DPYD: variants seen among roughly 807,000 people sequenced by gnomAD.
DPYD encodes dihydropyrimidine dehydrogenase [NADP(+)].
In DPYD, 109 loss-of-function variants were observed where a neutral mutation model predicts 116.2. The ratio of observed to expected loss-of-function variants is 0.94; its 90% CI spans 0.80 to 1.10. The LOEUF (loss-of-function observed/expected upper bound fraction) is 1.10. DPYD is among the 50% of genes least tolerant of loss of function. The pLI, the probability that DPYD is intolerant of heterozygous loss-of-function variation, is 0.00. For synonymous variants in DPYD, 440 were observed against 432.0 expected (o/e 1.02, Z -0.23); for missense variants, 1,302 against 1,254.5 (o/e 1.04, Z -0.57).
chr1:97,413,490 T>C (rs1674122010), intron 14 of DPYD, among the ~76,000 whole-genome samples: 1 of 152,130 alleles, frequency 6.6e-6, no homozygotes, highest in South Asian at 2.1e-4. Flanking sequence ...TGTGGACTGG[T>C]TCTGGCTCTG....
chr1:97,283,029 T>C (rs1161407506), intron 18 of DPYD, among the ~76,000 whole-genome samples: 1 of 152,170 alleles, frequency 6.6e-6, no homozygotes, highest in Non-Finnish European at 1.5e-5. Context: ...AACACATGTA[T>C]GCATGTGTCT....
chr1:97,823,864 C>CTTTTTTTTTT (rs56673700), intron 3 of DPYD, among the ~76,000 whole-genome samples: 1 of 81,714 alleles, frequency 1.2e-5, no homozygotes, highest in Non-Finnish European at 2.3e-5. Flanking sequence ...ACTACAAAGT[C>CTTTTTTTTTT]TTTTTTTTTT....
rs551574747 is a variant in DPYD, at chr1:97,363,905, C to T, written c.2058+9656G>A. On this transcript the variant is annotated intron_variant, in intron 16 of 22. Transcript: ENST00000370192. The stretch of plus-strand genomic sequence containing the variant: ...ACATGGCACATGTATACCTACGTAA[C>T]AAACCTGCACGTTGTGCACATGTAC... Among the ~76,000 whole-genome samples, 6 of 152,292 alleles carry T rather than the reference C, an allele frequency of 3.9e-5. No homozygotes were observed. The South Asian group carries it at 1.0e-3, about 26-fold the overall frequency.
chr1:97,188,431 T>A (rs1286648957), intron 20 of DPYD, among the ~76,000 whole-genome samples: 2 of 152,200 alleles, frequency 1.3e-5, no homozygotes, highest in Non-Finnish European at 2.9e-5. Flanking sequence ...AGATAATTCG[T>A]GCAATTTAAT....
intron 16 of DPYD, among the ~76,000 whole-genome samples, chr1:97,368,556 C>G (rs1265034925): frequency 6.6e-6 from 1 of 152,128 alleles, no homozygotes; most frequent in Non-Finnish European, 1.5e-5. Context: ...AGGCCTCTTA[C>G]CACATATCTC....
At position 97,246,515 on chromosome 1, in the gene DPYD, T is replaced by C. The variant is rs535039519; in HGVS notation, c.2300-11521A>G. ...GTAGGTCTGGGGCTAAAAATTAGGA[T>C]ATTTCAAACTGTGGCAGAGTTTGGG... On this transcript the variant is annotated intron_variant, in intron 18 of 22. Coordinates refer to ENST00000370192, the MANE Select transcript of DPYD (RefSeq NM_000110.4). Among the ~76,000 whole-genome samples, 7 of 152,266 alleles carry C rather than the reference T, an allele frequency of 4.6e-5. No homozygotes were observed. In the East Asian group the frequency reaches 1.4e-3, roughly 29 times the overall value.
chr1:97,490,201 T>G (rs1678889462), intron 13 of DPYD, among the ~76,000 whole-genome samples: 1 of 151,836 alleles, frequency 6.6e-6, no homozygotes, highest in African/African-American at 2.4e-5. Context: ...TCACTGCATA[T>G]TGACAATTCC....
intron 8 of DPYD, among the ~76,000 whole-genome samples, chr1:97,599,069 T>C (rs1486351169): frequency 3.3e-5 from 5 of 152,228 alleles, no homozygotes; most frequent in African/African-American, 9.6e-5. Context: ...CCTCACAGGA[T>C]GTGTCTGCAG....
intron 20 of DPYD, among the ~76,000 whole-genome samples, chr1:97,160,591 C>G (rs1655818446): frequency 6.6e-6 from 1 of 152,094 alleles, no homozygotes; most frequent in Non-Finnish European, 1.5e-5. Context: ...TAGCCCCCCT[C>G]TAGTTCCCAG....
chr1:97,314,490 C>CTTTTTT (rs66629750), intron 16 of DPYD, among the ~76,000 whole-genome samples: 12 of 123,280 alleles, frequency 9.7e-5, no homozygotes, highest in Middle Eastern at 4.8e-3. Flanking sequence ...CTAAAGCTTT[C>CTTTTTT]TTTTTTTTTT....
chr1:97,882,819 A>G (rs1255879130), intron 2 of DPYD, among the ~76,000 whole-genome samples: 1 of 152,068 alleles, frequency 6.6e-6, no homozygotes, highest in Non-Finnish European at 1.5e-5. Flanking sequence ...TTTAAAGTCC[A>G]CAGATACCAG....
chr1:97,542,491 C>A (rs150091432), intron 12 of DPYD, among the ~76,000 whole-genome samples: 344 of 152,232 alleles, frequency 2.3e-3, no homozygotes, highest in African/African-American at 7.9e-3. Context: ...CCCAGTAAAT[C>A]TAATTACCCA....
chr1:97,290,223 G>A (rs901551422), intron 18 of DPYD, among the ~76,000 whole-genome samples: 2 of 152,112 alleles, frequency 1.3e-5, no homozygotes, highest in African/African-American at 2.4e-5. Flanking sequence ...ATGCTCATGG[G>A]TAGGAAGAAT....
intron 18 of DPYD, among the ~76,000 whole-genome samples, chr1:97,300,140 G>C (rs553971218): frequency 1.3e-5 from 2 of 152,032 alleles, no homozygotes; most frequent in Non-Finnish European, 2.9e-5. Flanking sequence ...AATAAGCTAA[G>C]AATGTTTTTA....
chr1:97,726,968 A>C (rs1412822196), intron 4 of DPYD, among the ~76,000 whole-genome samples: 1 of 151,790 alleles, frequency 6.6e-6, no homozygotes, highest in Non-Finnish European at 1.5e-5. Flanking sequence ...AATAATTCTT[A>C]ACACTCTCAT....
intron 3 of DPYD, among the ~76,000 whole-genome samples, chr1:97,783,380 A>G (rs1387290123): frequency 6.6e-6 from 1 of 151,924 alleles, no homozygotes; most frequent in Non-Finnish European, 1.5e-5. Context: ...ATTTTATTTT[A>G]TTTTTTATTT....
At chr1:97,563,231 G>C (rs1237964884) in intron 11 of DPYD, among the ~76,000 whole-genome samples, 1 of 152,062 alleles carries the variant, frequency 6.6e-6, no homozygotes, top group Admixed American at 6.6e-5. Context: ...CAGCGGCTTA[G>C]TTTTAGTTTA....
At chr1:97,883,189 G>T in intron 2 of DPYD, 75 bp downstream of exon 2, 2 of 901,168 alleles carry the variant, frequency 2.2e-6, no homozygotes, top group Non-Finnish European at 3.7e-6. Flanking sequence ...ATTTCTAAGT[G>T]TATGTAAAAT....
chr1:97,188,000 T>C (rs1658112659), intron 20 of DPYD, among the ~76,000 whole-genome samples: 1 of 152,210 alleles, frequency 6.6e-6, no homozygotes, highest in South Asian at 2.1e-4. Context: ...TGAGGTCAGG[T>C]AATGTGATGA....
Sources: allele counts gnomAD v4.1 joint callset (sites outside exome capture counted in the v4.1 genomes callset), GRCh38; gene constraint gnomAD v4.1.1; transcripts MANE v1.5; gene names NCBI Gene and HGNC (gene_info 2026-07-23, HGNC 2026-07-21).